PRKACB: variants seen among roughly 807,000 people sequenced by gnomAD.
The protein encoded by PRKACB is protein kinase cAMP-activated catalytic subunit beta.
PRKACB carries 16 observed loss-of-function variants against 51.4 expected under a neutral mutation model. The observed-to-expected ratio is 0.31, with a 90% CI of 0.21 to 0.47. The LOEUF is 0.47. Ranked by LOEUF, PRKACB falls within the 20% of genes least tolerant of loss-of-function variation. PRKACB has a pLI of 1.00. For missense variants in PRKACB, 309 were observed against 464.5 expected (o/e 0.67, Z 3.08); for synonymous variants, 147 against 154.4 (o/e 0.95, Z 0.35).
At chr1:84,141,439 T>C (rs956831529), upstream of PRKACB, among the ~76,000 whole-genome samples, 1 of 152,132 alleles carries the variant, frequency 6.6e-6, no homozygotes, top group Non-Finnish European at 1.5e-5. Flanking sequence ...AGTACTTCTA[T>C]AGCAATAGCT....
chr1:84,093,987 G>A (rs145824846), intron 1 of PRKACB, among the ~76,000 whole-genome samples: 7 of 151,946 alleles, frequency 4.6e-5, no homozygotes, highest in African/African-American at 1.2e-4. Flanking sequence ...TTTATTAACT[G>A]TAAGTTATTT....
chr1:84,202,590 TA>T, intron 7 of PRKACB, 92 bp from the exon 8 acceptor site: 1 of 1,347,122 alleles, frequency 7.4e-7, no homozygotes, highest in African/African-American at 1.5e-5. Context: ...AAAAAATTTT[TA>T]TATGCTTCCA....
At chr1:84,105,860 AAGCCACTACACCC>A (rs1463249266) in intron 1 of PRKACB, among the ~76,000 whole-genome samples, 3 of 152,076 alleles carry the variant, frequency 2.0e-5, no homozygotes, top group Non-Finnish European at 4.4e-5. Flanking sequence ...TTATAGGTGT[AAGCCACTACACCC>A]AGCTTGTTAG....
chr1:84,112,316 T>C (rs543507146), intron 1 of PRKACB, among the ~76,000 whole-genome samples: 1 of 141,552 alleles, frequency 7.1e-6, no homozygotes, highest in South Asian at 2.4e-4. Context: ...CACTGCAACC[T>C]CCACTTCCTG....
At chr1:84,175,727 G>T (rs1168628428) in intron 1 of PRKACB, 7 of 1,376,828 alleles carry the variant, frequency 5.1e-6, no homozygotes, top group East Asian at 2.4e-5. Flanking sequence ...CATAAAAATT[G>T]TCTCTCTTTT....
At chr1:84,188,609 A>T (rs1027456205) in intron 5 of PRKACB, among the ~76,000 whole-genome samples, 7 of 151,932 alleles carry the variant, frequency 4.6e-5, no homozygotes, top group Non-Finnish European at 1.0e-4. Flanking sequence ...AATTTATATA[A>T]TTTTTGAAAC....
intron 1 of PRKACB, among the ~76,000 whole-genome samples, chr1:84,106,456 C>A (rs1264416291): frequency 6.6e-6 from 1 of 152,152 alleles, no homozygotes; most frequent in African/African-American, 2.4e-5. Flanking sequence ...TTGCTATACA[C>A]TAACAGCACC....
At chr1:84,170,392 A>C (rs1659048074) in intron 1 of PRKACB, among the ~76,000 whole-genome samples, 1 of 151,682 alleles carries the variant, frequency 6.6e-6, no homozygotes, top group Admixed American at 6.6e-5. Context: ...CAGGGGAGGG[A>C]TGTGTGTGCA....
intron 7 of PRKACB, among the ~76,000 whole-genome samples, chr1:84,200,792 G>A (rs1366106602): frequency 6.6e-6 from 1 of 152,032 alleles, no homozygotes; most frequent in African/African-American, 2.4e-5. Context: ...TCGGGTGGTC[G>A]TAGGTGTATG....
At chr1:84,159,680 G>A (rs577698225) in intron 1 of PRKACB, among the ~76,000 whole-genome samples, 21 of 152,150 alleles carry the variant, frequency 1.4e-4, no homozygotes, top group Non-Finnish European at 1.0e-4. Context: ...AGGGGAAAGC[G>A]TTCCATCTTT....
chr1:84,119,402 C>T (rs901227025), intron 1 of PRKACB, among the ~76,000 whole-genome samples: 1 of 152,088 alleles, frequency 6.6e-6, no homozygotes, highest in African/African-American at 2.4e-5. Flanking sequence ...AACCAATTTA[C>T]AATATCCAGC....
chr1:84,217,221 GAT>G (rs1309856951), intron 9 of PRKACB, among the ~76,000 whole-genome samples: 2 of 152,198 alleles, frequency 1.3e-5, no homozygotes, highest in Non-Finnish European at 2.9e-5. Context: ...TTCTGGTTGA[GAT>G]ATGTTTCATA....
chr1:84,174,347 T>TTC (rs1660535534), intron 1 of PRKACB, among the ~76,000 whole-genome samples: 1 of 151,870 alleles, frequency 6.6e-6, no homozygotes, highest in African/African-American at 2.4e-5. Flanking sequence ...AAATGCTGTA[T>TTC]TCTCTATTAT....
At chr1:84,201,080 T>A (rs996239641) in intron 7 of PRKACB, among the ~76,000 whole-genome samples, 2 of 152,150 alleles carry the variant, frequency 1.3e-5, no homozygotes, top group Non-Finnish European at 2.9e-5. Context: ...AGAAGTAGAA[T>A]TACTGGGTCA....
At chr1:84,183,992 A>C (rs757272656) in intron 3 of PRKACB, 45 bp from the exon 4 acceptor site, 1 of 1,475,770 alleles carries the variant, frequency 6.8e-7, no homozygotes, top group Non-Finnish European at 9.0e-7. Flanking sequence ...ATAACTTTTT[A>C]ATTTTGCTTA....
At chr1:84,078,097 G>T, upstream of PRKACB, 1 of 422,940 alleles carries the variant, frequency 2.4e-6, no homozygotes, top group Non-Finnish European at 4.0e-6. Flanking sequence ...TGCCACCGCC[G>T]TCGCCGCCGC....
chr1:84,221,264 C>T (rs1361629951), intron 9 of PRKACB, among the ~76,000 whole-genome samples: 2 of 12,738 alleles, frequency 1.6e-4, no homozygotes, highest in African/African-American at 8.4e-5. Flanking sequence ...CCAGTGATCT[C>T]CTGTATTTCT....
chr1:84,184,110 T>G lies in PRKACB; in HGVS notation c.452T>G (p.Leu151Arg). 1 of 1,604,906 alleles carries G rather than the reference T, an allele frequency of 6.2e-7. No individual in the cohort carries two copies. The highest frequency in any genetic ancestry group is 8.5e-7 in the Non-Finnish European group (1 of 1,175,328). Reference protein sequence around the residue: ...RILQAVNFPFLVRLEYAFKDN... With the variant: ...RILQAVNFPFRVRLEYAFKDN... ...TTACAGGCAGTGAATTTTCCTTTCC[T>G]TGTTCGACTGGAGTATGCTTTTAAG... The change falls in exon 4 of 10, where the codon CTT becomes CGT. Residue 151 changes from leucine (L) to arginine (R), a missense_variant. By Grantham distance (102) the Leu-to-Arg change is moderately radical. Transcript: ENST00000370685.
intron 1 of PRKACB, among the ~76,000 whole-genome samples, chr1:84,126,682 A>G (rs1651644553): frequency 6.6e-6 from 1 of 151,984 alleles, no homozygotes; most frequent in Non-Finnish European, 1.5e-5. Flanking sequence ...GCCCTCTTCT[A>G]CCCAGTATTT....
Sources: gnomAD v4.1 joint callset for allele counts (sites outside exome capture counted in the v4.1 genomes callset) on GRCh38, gnomAD v4.1.1 for gene constraint, MANE v1.5 for transcripts, NCBI Gene and HGNC (gene_info 2026-07-23, HGNC 2026-07-21) for gene names.